Variants in DLC1 observed in about 807,000 individuals in gnomAD.
The protein encoded by DLC1 is DLC1 Rho GTPase activating protein.
In DLC1, 54 loss-of-function variants were observed where a neutral mutation model predicts 140.3. The ratio of observed to expected loss-of-function variants is 0.38; its 90% confidence interval spans 0.31 to 0.48. The LOEUF (loss-of-function observed/expected upper bound fraction) is 0.48. DLC1 is among the 20% of genes least tolerant of loss of function. DLC1 has a pLI of 0.96. For synonymous variants in DLC1, 986 were observed against 728.1 expected, an observed-to-expected ratio of 1.35 and a Z score of -5.70; for missense variants, 2,536 against 1,907.0, an observed-to-expected ratio of 1.33 and a Z score of -6.14.
chr8:13,145,944 G>A (rs1823401707), intron 5 of DLC1, among the ~76,000 whole-genome samples: 1 of 152,092 alleles, frequency 6.6e-6, no homozygotes, highest in Non-Finnish European at 1.5e-5. Flanking sequence ...TAATGGTGTT[G>A]TATTATTGTG....
intron 1 of DLC1, among the ~76,000 whole-genome samples, chr8:13,542,679 T>C (rs1398868097): frequency 1.3e-5 from 2 of 152,198 alleles, no homozygotes; most frequent in Non-Finnish European, 1.5e-5. Context: ...CAATGTTTTA[T>C]AGTTTTCAGT....
At chr8:13,160,440 G>C (rs1824602717) in intron 5 of DLC1, among the ~76,000 whole-genome samples, 2 of 152,136 alleles carry the variant, frequency 1.3e-5, no homozygotes, top group Non-Finnish European at 2.9e-5. Flanking sequence ...TTAAAGACTT[G>C]TAATGTTTCT....
intron 5 of DLC1, among the ~76,000 whole-genome samples, chr8:13,143,322 C>T (rs1406304237): frequency 2.0e-5 from 3 of 152,192 alleles, no homozygotes; most frequent in Non-Finnish European, 4.4e-5. Flanking sequence ...CTTTGGCAAC[C>T]CTTTCATCAA....
rs1817349321 is a variant in DLC1, at chr8:13,083,945, G to A, written c.*1866C>T. ...CCCTTACTTTAAACATTTAATAATAGTGCACTTATTGATTATAATCTGTAC... is the reference window on the plus strand; with the variant it reads ...CCCTTACTTTAAACATTTAATAATAATGCACTTATTGATTATAATCTGTAC... On this transcript the variant is annotated 3_prime_UTR_variant, in exon 18 of 18. Coordinates refer to ENST00000276297, the MANE Select transcript of DLC1 (RefSeq NM_182643.3). 6.6e-6 allele frequency: 1 copy of A among 152,550 alleles called. No individual in the cohort carries two copies. Among genetic ancestry groups the A allele is most frequent in the Non-Finnish European group, 1.5e-5 (1 of 68,038 alleles). The allele number at this position is 152,550 out of a possible 1,614,324, so 9.4% of individuals were successfully genotyped here. A position where few individuals can be genotyped will look rare whatever the true frequency, so the allele number is the denominator to read the frequency against.
chr8:13,587,019 G>C lies in DLC1; in HGVS notation c.-126+17518C>G, dbSNP rs369633866. 4.5e-4 allele frequency among the ~76,000 whole-genome samples: 68 copies of C among 151,298 alleles called. 2 individuals are homozygous for C. In the East Asian group the frequency reaches 5.2e-3, roughly 11 times the overall value. Reference sequence around the variant, plus strand: ...GCAATACATGTCTAGTAGAGAGTTAGAAATATATGTAGGTAGTGATTCCAC... The same window carrying C: ...GCAATACATGTCTAGTAGAGAGTTACAAATATATGTAGGTAGTGATTCCAC... On this transcript the variant is annotated intron_variant, in intron 1 of 1. Coordinates refer to the DLC1 transcript ENST00000631382.
At chr8:13,409,170 CTG>C (rs2117288440) in intron 2 of DLC1, among the ~76,000 whole-genome samples, 1 of 152,234 alleles carries the variant, frequency 6.6e-6, no homozygotes, top group South Asian at 2.1e-4. Context: ...ATTTTTACCA[CTG>C]TATCTTCCTT....
At chr8:13,530,717 T>G (rs1194216764) in intron 1 of DLC1, among the ~76,000 whole-genome samples, 1 of 152,196 alleles carries the variant, frequency 6.6e-6, no homozygotes, top group Non-Finnish European at 1.5e-5. Context: ...TTTACATTAG[T>G]ACTCATATTT....
At chr8:13,409,191 A>C (rs373894350) in intron 2 of DLC1, among the ~76,000 whole-genome samples, 18 of 152,126 alleles carry the variant, frequency 1.2e-4, no homozygotes, top group Non-Finnish European at 2.4e-4. Flanking sequence ...TTAATATTTT[A>C]TAGCTGCATT....
At chr8:13,482,840 G>C (rs913505086) in intron 2 of DLC1, among the ~76,000 whole-genome samples, 5 of 152,218 alleles carry the variant, frequency 3.3e-5, no homozygotes, top group African/African-American at 7.2e-5. Context: ...CTGGGCATAT[G>C]CTAGCTGCTA....
intron 5 of DLC1, among the ~76,000 whole-genome samples, chr8:13,139,248 C>G (rs1318581663): frequency 3.1e-5 from 4 of 128,902 alleles, no homozygotes; most frequent in African/African-American, 1.2e-4. Flanking sequence ...GAGAATGTGC[C>G]ACTGCACTCC....
chr8:13,541,350 A>G (rs1055284418), intron 1 of DLC1, among the ~76,000 whole-genome samples: 1 of 151,666 alleles, frequency 6.6e-6, no homozygotes. Context: ...TGATAAGTGC[A>G]TATTTAATTA....
chr8:13,566,888 T>G, intron 1 of DLC1: 1 of 1,394,566 alleles, frequency 7.2e-7, no homozygotes, highest in Non-Finnish European at 9.5e-7. Flanking sequence ...TCCGCAGAGC[T>G]GATGGCATTG....
intron 1 of DLC1, among the ~76,000 whole-genome samples, chr8:13,504,799 G>C (rs1801980483): frequency 1.3e-5 from 2 of 151,962 alleles, no homozygotes; most frequent in Non-Finnish European, 2.9e-5. Context: ...CTTCTCAAAA[G>C]CTACTGGAGA....
chr8:13,447,592 A>C (rs1179897981), intron 2 of DLC1, among the ~76,000 whole-genome samples: 1 of 152,206 alleles, frequency 6.6e-6, no homozygotes, highest in East Asian at 1.9e-4. Flanking sequence ...CGTTCATTAG[A>C]TATTAGGTCT....
At chr8:13,392,339 T>C (rs979936186) in intron 4 of DLC1, among the ~76,000 whole-genome samples, 3 of 152,204 alleles carry the variant, frequency 2.0e-5, no homozygotes, top group Admixed American at 1.3e-4. Context: ...ATATAGTAGA[T>C]GTTCAATAAA....
chr8:13,458,138 T>C (rs1035745978), intron 2 of DLC1, among the ~76,000 whole-genome samples: 2 of 152,188 alleles, frequency 1.3e-5, no homozygotes, highest in African/African-American at 2.4e-5. Flanking sequence ...CTAGACACTA[T>C]AGAACACAAT....
chr8:13,210,691 C>T (rs766529652), intron 5 of DLC1, among the ~76,000 whole-genome samples: 3 of 152,046 alleles, frequency 2.0e-5, no homozygotes, highest in Non-Finnish European at 1.5e-5. Flanking sequence ...TTATTTGGTA[C>T]CTGGTAGTTC....
intron 2 of DLC1, among the ~76,000 whole-genome samples, chr8:13,470,798 G>T (rs1248305100): frequency 1.3e-5 from 2 of 152,136 alleles, no homozygotes; most frequent in South Asian, 2.1e-4. Context: ...AAGGAAATCA[G>T]TACCTTGAAA....
chr8:13,296,689 G>C (rs1429537666), intron 5 of DLC1, among the ~76,000 whole-genome samples: 5 of 151,834 alleles, frequency 3.3e-5, no homozygotes. Context: ...GGCATGCGGG[G>C]TGACAAAAAA....
Sources: gnomAD v4.1 joint callset for allele counts (sites outside exome capture counted in the v4.1 genomes callset) on GRCh38, gnomAD v4.1.1 for gene constraint, MANE v1.5 for transcripts, NCBI Gene and HGNC (gene_info 2026-07-23, HGNC 2026-07-21) for gene names.